Variants in ZFHX3 observed in about 807,000 individuals in gnomAD.
ZFHX3 encodes zinc finger homeobox 3.
A neutral mutation model predicts 279.1 loss-of-function variants in ZFHX3; 42 were observed. That is an observed-to-expected ratio of 0.15 (90% confidence interval 0.12 to 0.19). The LOEUF is 0.19. Among genes scored for constraint, ZFHX3 ranks in the 10% least tolerant of loss-of-function variants. The pLI is 1.00. For synonymous variants in ZFHX3, 2,293 were observed against 1,957.8 expected (o/e 1.17, Z -4.52); for missense variants, 4,981 against 4,754.0 (o/e 1.05, Z -1.40).
chr16:73,530,012 C>A (rs1432317227), intron 2 of ZFHX3, among the ~76,000 whole-genome samples: 1 of 152,064 alleles, frequency 6.6e-6, no homozygotes, highest in Non-Finnish European at 1.5e-5. Flanking sequence ...CCTTGGTTAA[C>A]ATATTAGCCT....
At chr16:73,106,705 G>A (rs1313507504) in intron 7 of ZFHX3, among the ~76,000 whole-genome samples, 1 of 152,196 alleles carries the variant, frequency 6.6e-6, no homozygotes, top group Non-Finnish European at 1.5e-5. Flanking sequence ...TTGTCTCCAA[G>A]TTCCCATCAT....
At chr16:72,995,195 C>T (rs1054237553) in intron 1 of ZFHX3, among the ~76,000 whole-genome samples, 3 of 152,126 alleles carry the variant, frequency 2.0e-5, no homozygotes, top group South Asian at 2.1e-4. Context: ...GTCCAGGGCA[C>T]GCTTTATCCT....
chr16:73,374,023 C>A (rs959123285), intron 3 of ZFHX3, among the ~76,000 whole-genome samples: 6 of 152,128 alleles, frequency 3.9e-5, no homozygotes, highest in South Asian at 2.1e-4. Flanking sequence ...GCAGCATGCA[C>A]GGGGTAAACT....
intron 2 of ZFHX3, among the ~76,000 whole-genome samples, chr16:73,662,240 A>G (rs1017281400): frequency 3.9e-5 from 6 of 152,222 alleles, no homozygotes; most frequent in Non-Finnish European, 7.3e-5. Flanking sequence ...ACCAATTATT[A>G]GCACTTTTGC....
intron 5 of ZFHX3, among the ~76,000 whole-genome samples, chr16:73,195,603 G>C (rs1968128416): frequency 1.3e-5 from 2 of 151,984 alleles, no homozygotes; most frequent in African/African-American, 4.8e-5. Flanking sequence ...ATTTTTAGTA[G>C]AGACGGGGTT....
chr16:73,688,898 C>T (rs143189953), intron 1 of ZFHX3, among the ~76,000 whole-genome samples: 93 of 152,214 alleles, frequency 6.1e-4, no homozygotes, highest in African/African-American at 1.6e-3. Flanking sequence ...TCTTGTCTGC[C>T]GCCAAGTGAG....
At chr16:73,072,721 T>C (rs1002824547) in intron 8 of ZFHX3, among the ~76,000 whole-genome samples, 7 of 152,124 alleles carry the variant, frequency 4.6e-5, no homozygotes, top group Non-Finnish European at 1.0e-4. Flanking sequence ...CATGCCACCA[T>C]GCCAGGCTAA....
intron 2 of ZFHX3, among the ~76,000 whole-genome samples, chr16:73,602,276 AT>A (rs769968066): frequency 5.3e-5 from 8 of 152,202 alleles, no homozygotes; most frequent in Non-Finnish European, 7.3e-5. Context: ...CAGTTGTTTA[AT>A]TTGGGAGGCC....
intron 5 of ZFHX3, among the ~76,000 whole-genome samples, chr16:73,200,652 G>C (rs143083686): frequency 6.6e-6 from 1 of 152,226 alleles, no homozygotes; most frequent in East Asian, 1.9e-4. Flanking sequence ...ACCATTTCTG[G>C]ATGCTTCCAA....
At chr16:73,809,920 T>C (rs2142335546) in intron 1 of ZFHX3, among the ~76,000 whole-genome samples, 1 of 152,272 alleles carries the variant, frequency 6.6e-6, no homozygotes, top group East Asian at 1.9e-4. Flanking sequence ...TATGCTGACA[T>C]TGTATTGCTT....
chr16:73,504,203 T>A, intron 2 of ZFHX3: 1 of 152,206 alleles, frequency 6.6e-6, no homozygotes, highest in Non-Finnish European at 1.5e-5. Flanking sequence ...GGAAAGAATG[T>A]ATTTTTAAAA....
chr16:73,523,102 A>G (rs1436133999), intron 2 of ZFHX3, among the ~76,000 whole-genome samples: 2 of 152,200 alleles, frequency 1.3e-5, no homozygotes, highest in Non-Finnish European at 2.9e-5. Context: ...TCACAAGGAA[A>G]GGGAGTTTCA....
chr16:73,733,936 C>G (rs1317839947), intron 1 of ZFHX3, among the ~76,000 whole-genome samples: 1 of 152,116 alleles, frequency 6.6e-6, no homozygotes, highest in Admixed American at 6.5e-5. Flanking sequence ...ACAGTGGTCC[C>G]CAATTTTTTG....
chr16:73,214,605 T>G (rs2144913458), intron 5 of ZFHX3, among the ~76,000 whole-genome samples: 1 of 152,284 alleles, frequency 6.6e-6, no homozygotes, highest in African/African-American at 2.4e-5. Flanking sequence ...TGTTGACCTC[T>G]TCACACATAT....
chr16:72,853,645 A>G lies in ZFHX3; in HGVS notation c.3449-23786T>C, dbSNP rs553065555. Among the ~76,000 whole-genome samples the G allele has an allele frequency of 4.6e-5, 7 of 152,328 alleles. No homozygotes were observed. In the East Asian group the frequency reaches 1.3e-3, roughly 29 times the overall value. On this transcript the variant is annotated intron_variant, in intron 4 of 9. Coordinates refer to ENST00000268489, the MANE Select transcript of ZFHX3 (RefSeq NM_006885.4). The stretch of plus-strand genomic sequence containing the variant: ...TCTGGTTCTTGGATTTTACATTCTC[A>G]TGAGAGGAGACTGGAAATCTCAAAA...
intron 8 of ZFHX3, among the ~76,000 whole-genome samples, chr16:73,074,589 A>G (rs894005839): frequency 6.6e-6 from 1 of 151,858 alleles, no homozygotes; most frequent in African/African-American, 2.4e-5. Context: ...TGATAATGAC[A>G]ATGATGACGA....
intron 1 of ZFHX3, among the ~76,000 whole-genome samples, chr16:73,683,018 G>A (rs891286848): frequency 6.8e-6 from 1 of 148,066 alleles, no homozygotes; most frequent in Non-Finnish European, 1.5e-5. Context: ...AAAGAGAAAG[G>A]AGGGAGGGAG....
intron 1 of ZFHX3, among the ~76,000 whole-genome samples, chr16:73,018,018 C>T (rs1259689147): frequency 6.7e-6 from 1 of 149,414 alleles, no homozygotes; most frequent in Non-Finnish European, 1.5e-5. Flanking sequence ...CAGGGTCTTG[C>T]TCTGTCACCC....
intron 2 of ZFHX3, among the ~76,000 whole-genome samples, chr16:73,456,537 T>C (rs764352330): frequency 1.3e-5 from 2 of 152,156 alleles, no homozygotes; most frequent in Non-Finnish European, 2.9e-5. Context: ...CGCTTACCAC[T>C]AACGACTTGC....
Sources: allele counts gnomAD v4.1 joint callset (sites outside exome capture counted in the v4.1 genomes callset), GRCh38; gene constraint gnomAD v4.1.1; transcripts MANE v1.5; gene names NCBI Gene and HGNC (gene_info 2026-07-23, HGNC 2026-07-21).